Variants in TMEM132D observed in about 807,000 individuals in gnomAD.
TMEM132D encodes the protein mature OL transmembrane protein.
TMEM132D carries 21 observed loss-of-function variants against 62.3 expected under a neutral mutation model. The observed-to-expected ratio is 0.34, with a 90% CI of 0.24 to 0.49. TMEM132D has a LOEUF of 0.49. TMEM132D is among the 20% of genes least tolerant of loss of function. The pLI is 0.99. For missense variants in TMEM132D, 1,346 were observed against 1,402.8 expected, an observed-to-expected ratio of 0.96 and a Z score of 0.65; for synonymous variants, 621 against 575.6, an observed-to-expected ratio of 1.08 and a Z score of -1.13.
intron 4 of TMEM132D, among the ~76,000 whole-genome samples, chr12:129,216,207 G>C (rs1454203215): frequency 2.0e-5 from 3 of 152,158 alleles, no homozygotes; most frequent in African/African-American, 4.8e-5. Flanking sequence ...CCTAGATTTG[G>C]TGCGTTAGTA....
At chr12:129,782,297 G>A (rs1707982229) in intron 1 of TMEM132D, among the ~76,000 whole-genome samples, 3 of 152,110 alleles carry the variant, frequency 2.0e-5, no homozygotes, top group Admixed American at 6.5e-5. Flanking sequence ...TCAGTTTTTC[G>A]GATCGGGAGA....
At chr12:129,487,428 G>A (rs1874616684) in intron 3 of TMEM132D, among the ~76,000 whole-genome samples, 1 of 152,194 alleles carries the variant, frequency 6.6e-6, no homozygotes, top group African/African-American at 2.4e-5. Flanking sequence ...GAGAGCAGGA[G>A]TGGATGAGGA....
intron 3 of TMEM132D, among the ~76,000 whole-genome samples, chr12:129,464,935 G>T (rs1421943859): frequency 6.7e-6 from 1 of 150,368 alleles, no homozygotes; most frequent in Non-Finnish European, 1.5e-5. Flanking sequence ...TTTTGGCTTA[G>T]GATTGACTTG....
chr12:129,730,942 C>T (rs1198696703), intron 1 of TMEM132D, among the ~76,000 whole-genome samples: 1 of 152,036 alleles, frequency 6.6e-6, no homozygotes, highest in Non-Finnish European at 1.5e-5. Flanking sequence ...GGCTTCCTTG[C>T]TCCTCATCTA....
intron 4 of TMEM132D, among the ~76,000 whole-genome samples, chr12:129,228,147 G>A (rs1257406070): frequency 1.4e-5 from 1 of 72,400 alleles, no homozygotes; most frequent in East Asian, 5.2e-3. Flanking sequence ...GTGTTTTGGA[G>A]AACTGCCATT....
intron 5 of TMEM132D, among the ~76,000 whole-genome samples, chr12:129,145,877 C>T (rs930821507): frequency 4.4e-4 from 67 of 152,114 alleles, no homozygotes; most frequent in Admixed American, 1.0e-3. Context: ...AGTAAAGCCC[C>T]TTCCTCATCT....
At chr12:129,591,313 T>TGAA (rs769759570) in intron 2 of TMEM132D, among the ~76,000 whole-genome samples, 23 of 152,250 alleles carry the variant, frequency 1.5e-4, no homozygotes, top group Admixed American at 3.9e-4. Context: ...CGGAGGATGG[T>TGAA]GATGGTGGTA....
chr12:129,244,331 A>G (rs1478581459), intron 4 of TMEM132D, among the ~76,000 whole-genome samples: 1 of 147,072 alleles, frequency 6.8e-6, no homozygotes, highest in African/African-American at 2.5e-5. Flanking sequence ...GCTTGCAGTG[A>G]GCCGAGATCG....
intron 3 of TMEM132D, among the ~76,000 whole-genome samples, chr12:129,365,777 G>A (rs1870388991): frequency 6.6e-6 from 1 of 152,152 alleles, no homozygotes; most frequent in Non-Finnish European, 1.5e-5. Flanking sequence ...AATGACCTTG[G>A]ATGAGGCAGC....
At chr12:129,631,987 T>C (rs60678754) in intron 2 of TMEM132D, among the ~76,000 whole-genome samples, 2,005 of 152,168 alleles carry the variant, frequency 0.013, 39 homozygotes, top group African/African-American at 0.046. Context: ...AAGGAATAAG[T>C]AAAGGCAAAA....
At chr12:129,784,144 C>T (rs1871196065) in intron 1 of TMEM132D, among the ~76,000 whole-genome samples, 2 of 152,194 alleles carry the variant, frequency 1.3e-5, no homozygotes, top group Non-Finnish European at 2.9e-5. Flanking sequence ...TGAAAAATAA[C>T]AGACACAAGC....
intron 4 of TMEM132D, among the ~76,000 whole-genome samples, chr12:129,268,617 G>A (rs971226226): frequency 2.6e-5 from 4 of 152,162 alleles, no homozygotes; most frequent in Admixed American, 2.6e-4. Context: ...CATTGTGGAA[G>A]ACAGTGTGGC....
At chr12:129,705,360 T>C (rs1358815580) in intron 1 of TMEM132D, among the ~76,000 whole-genome samples, 1 of 152,128 alleles carries the variant, frequency 6.6e-6, no homozygotes, top group Admixed American at 6.5e-5. Context: ...CACAGTTGCA[T>C]CAAGGGTAAA....
chr12:129,580,565 G>C (rs987495227), intron 2 of TMEM132D, among the ~76,000 whole-genome samples: 1 of 152,070 alleles, frequency 6.6e-6, no homozygotes, highest in Non-Finnish European at 1.5e-5. Context: ...TTAGCTGGGC[G>C]TGGTGGCATG....
At chr12:129,762,064 C>T (rs10847936) in intron 1 of TMEM132D, among the ~76,000 whole-genome samples, 39,461 of 152,056 alleles carry the variant, frequency 0.26, 5,177 homozygotes, top group South Asian at 0.4. Context: ...AAGAAGAAGA[C>T]TAGGACAATT....
intron 4 of TMEM132D, among the ~76,000 whole-genome samples, chr12:129,287,001 T>A (rs1425770449): frequency 6.7e-6 from 1 of 150,296 alleles, no homozygotes; most frequent in Non-Finnish European, 1.5e-5. Context: ...TGAGCTGAGA[T>A]CACGCCACTG....
chr12:129,313,365 T>C (rs528619491), intron 4 of TMEM132D, among the ~76,000 whole-genome samples: 2 of 152,300 alleles, frequency 1.3e-5, no homozygotes, highest in South Asian at 2.1e-4. Context: ...ATCATCCTTA[T>C]GCCTTTGCAT....
At chr12:129,306,054 C>T (rs1410613650) in intron 4 of TMEM132D, among the ~76,000 whole-genome samples, 16 of 152,162 alleles carry the variant, frequency 1.1e-4, no homozygotes, top group Admixed American at 1.0e-3. Context: ...ACGGGTTTAA[C>T]TCAGAGAAGT....
intron 3 of TMEM132D, among the ~76,000 whole-genome samples, chr12:129,463,336 C>A (rs1298758430): frequency 6.6e-6 from 1 of 151,824 alleles, no homozygotes; most frequent in Non-Finnish European, 1.5e-5. Context: ...TAGCAATAAT[C>A]ATTATCTTTA....
Sources: gnomAD v4.1 joint callset for allele counts (sites outside exome capture counted in the v4.1 genomes callset) on GRCh38, gnomAD v4.1.1 for gene constraint, MANE v1.5 for transcripts, NCBI Gene and HGNC (gene_info 2026-07-23, HGNC 2026-07-21) for gene names.